ADGRG7: variants seen among roughly 807,000 people sequenced by gnomAD.
ADGRG7 encodes G-protein coupled receptor 128.
A neutral mutation model predicts 88.6 loss-of-function variants in ADGRG7; 82 were observed. That is an observed-to-expected ratio of 0.93 (90% confidence interval 0.77 to 1.11). The LOEUF (loss-of-function observed/expected upper bound fraction) is 1.11, where lower values mean the gene tolerates loss of function less well. Ranked by LOEUF, ADGRG7 falls within the 50% of genes most tolerant of loss-of-function variation. ADGRG7 has a pLI of 0.00. For missense variants in ADGRG7, 945 were observed against 953.4 expected, an observed-to-expected ratio of 0.99 and a Z score of 0.12; for synonymous variants, 381 against 345.2, an observed-to-expected ratio of 1.10 and a Z score of -1.15.
At chr3:100,640,119 C>A (rs1354082963) in intron 6 of ADGRG7, among the ~76,000 whole-genome samples, 1 of 152,182 alleles carries the variant, frequency 6.6e-6, no homozygotes, top group Non-Finnish European at 1.5e-5. Context: ...GTCAACAACC[C>A]TTTAGCTCTC....
intron 6 of ADGRG7, 147 bp from the exon 7 acceptor site, chr3:100,643,119 A>C: frequency 2.7e-6 from 2 of 733,276 alleles, no homozygotes; most frequent in Middle Eastern, 2.9e-4. Flanking sequence ...TCTAGAAAAG[A>C]AAACCAATTA....
chr3:100,666,318 A>G (rs2094951688), intron 14 of ADGRG7, among the ~76,000 whole-genome samples: 1 of 152,176 alleles, frequency 6.6e-6, no homozygotes, highest in African/African-American at 2.4e-5. Context: ...GTATTTATTG[A>G]TCATTCGTGG....
chr3:100,694,422 G>A (rs1469452636), intron 15 of ADGRG7, among the ~76,000 whole-genome samples: 1 of 152,188 alleles, frequency 6.6e-6, no homozygotes. Flanking sequence ...GTATTTCATA[G>A]TTAATCTTCT....
chr3:100,693,771 A>ATC (rs2094997747), intron 15 of ADGRG7, among the ~76,000 whole-genome samples: 1 of 152,226 alleles, frequency 6.6e-6, no homozygotes, highest in Non-Finnish European at 1.5e-5. Flanking sequence ...ATACAGCCAT[A>ATC]GTATACTGTC....
intron 14 of ADGRG7, among the ~76,000 whole-genome samples, chr3:100,664,132 G>A (rs1350622561): frequency 3.3e-5 from 5 of 151,848 alleles, no homozygotes; most frequent in South Asian, 2.1e-4. Flanking sequence ...TCAGATATAC[G>A]CATTAGAAAA....
intron 6 of ADGRG7, among the ~76,000 whole-genome samples, chr3:100,641,153 C>T (rs538307380): frequency 5.3e-5 from 8 of 152,186 alleles, no homozygotes; most frequent in East Asian, 3.9e-4. Context: ...AAAGAGAGTT[C>T]GTTCAAGTGC....
chr3:100,619,079 CTT>C (rs1169898882), intron 1 of ADGRG7, among the ~76,000 whole-genome samples: 1 of 152,122 alleles, frequency 6.6e-6, no homozygotes, highest in East Asian at 1.9e-4. Flanking sequence ...TATCATGAGA[CTT>C]TGGTGAAGTT....
At chr3:100,667,837 A>G (rs143446536) in intron 14 of ADGRG7, among the ~76,000 whole-genome samples, 58 of 152,240 alleles carry the variant, frequency 3.8e-4, no homozygotes, top group African/African-American at 1.3e-3. Flanking sequence ...TGAAAAGAAA[A>G]AAAAAAAAGA....
At chr3:100,670,019 CAGAG>C (rs2094956468) in intron 15 of ADGRG7, among the ~76,000 whole-genome samples, 1 of 152,282 alleles carries the variant, frequency 6.6e-6, no homozygotes, top group African/African-American at 2.4e-5. Context: ...GCCTGGGCGA[CAGAG>C]GGAGACTCCA....
intron 13 of ADGRG7, among the ~76,000 whole-genome samples, chr3:100,658,550 CT>C (rs1181010063): frequency 6.6e-6 from 1 of 152,132 alleles, no homozygotes. Context: ...CCACACTAGC[CT>C]TTTTTTCTTT....
intron 13 of ADGRG7, among the ~76,000 whole-genome samples, chr3:100,659,130 T>G (rs1000464792): frequency 6.6e-6 from 1 of 152,112 alleles, no homozygotes; most frequent in African/African-American, 2.4e-5. Context: ...TAAACATTAA[T>G]ATTTAAAAAA....
At chr3:100,692,654 G>A (rs1176008323) in intron 15 of ADGRG7, among the ~76,000 whole-genome samples, 3 of 152,198 alleles carry the variant, frequency 2.0e-5, no homozygotes, top group African/African-American at 7.2e-5. Flanking sequence ...CTTTACCATT[G>A]ATTCCTATGA....
At chr3:100,661,357 G>A (rs547756660) in intron 14 of ADGRG7, among the ~76,000 whole-genome samples, 40 of 152,336 alleles carry the variant, frequency 2.6e-4, no homozygotes, top group African/African-American at 9.4e-4. Context: ...GGTCCACTTA[G>A]TAATACCAGA....
At chr3:100,610,333 A>T (rs1029287420) in intron 1 of ADGRG7, among the ~76,000 whole-genome samples, 1 of 152,218 alleles carries the variant, frequency 6.6e-6, no homozygotes, top group African/African-American at 2.4e-5. Context: ...GGACACACAC[A>T]TGCATCAAAC....
At chr3:100,630,668 A>T in intron 2 of ADGRG7, 37 bp from the exon 3 acceptor site, 2 of 1,016,726 alleles carry the variant, frequency 2.0e-6, no homozygotes, top group Non-Finnish European at 2.6e-6. Flanking sequence ...TTTTTAAAAT[A>T]CAATTTATAA....
chr3:100,619,766 A>C (rs1273875929), intron 1 of ADGRG7, among the ~76,000 whole-genome samples: 1 of 152,198 alleles, frequency 6.6e-6, no homozygotes, highest in Non-Finnish European at 1.5e-5. Flanking sequence ...ACCATCAGAG[A>C]ATACTATAAA....
At chr3:100,643,706 T>C (rs1707687694) in intron 8 of ADGRG7, 73 bp downstream of exon 8, 4 of 966,954 alleles carry the variant, frequency 4.1e-6, no homozygotes, top group Non-Finnish European at 6.4e-6. Context: ...TAATTTACTC[T>C]AGGAGAAATA....
chr3:100,628,202 CTT>C, intron 1 of ADGRG7, among the ~76,000 whole-genome samples: 1 of 152,206 alleles, frequency 6.6e-6, no homozygotes, highest in South Asian at 2.1e-4. Context: ...ACTATAGAGA[CTT>C]CGAATACCTT....
intron 15 of ADGRG7, among the ~76,000 whole-genome samples, chr3:100,693,116 A>G (rs1353617941): frequency 6.6e-6 from 1 of 152,154 alleles, no homozygotes; most frequent in Non-Finnish European, 1.5e-5. Flanking sequence ...GCACAGAAAT[A>G]TTGGGAGTCC....
Sources: gnomAD v4.1 joint callset for allele counts (sites outside exome capture counted in the v4.1 genomes callset) on GRCh38, gnomAD v4.1.1 for gene constraint, MANE v1.5 for transcripts, NCBI Gene and HGNC (gene_info 2026-07-23, HGNC 2026-07-21) for gene names.